The following PLXDC2 variants were observed in gnomAD, a reference collection of about 807,000 sequenced individuals.
The protein encoded by PLXDC2 is plexin domain-containing protein 2.
In PLXDC2, 40 loss-of-function variants were observed where a neutral mutation model predicts 68.9. That is an observed-to-expected ratio of 0.58 (90% confidence interval 0.45 to 0.76). PLXDC2 has a LOEUF of 0.76. PLXDC2 is among the 30% of genes least tolerant of loss of function. PLXDC2 has a pLI of 0.00. For synonymous variants in PLXDC2, 243 were observed against 234.2 expected, an observed-to-expected ratio of 1.04 and a Z score of -0.34; for missense variants, 644 against 661.9, an observed-to-expected ratio of 0.97 and a Z score of 0.30.
chr10:20,112,213 A>G (rs1477637476), intron 4 of PLXDC2, among the ~76,000 whole-genome samples: 1 of 152,138 alleles, frequency 6.6e-6, no homozygotes, highest in Admixed American at 6.5e-5. Flanking sequence ...CTGTTGTTTA[A>G]GCCATCCAGT....
intron 4 of PLXDC2, among the ~76,000 whole-genome samples, chr10:20,082,070 A>AAAAAAAAACAAAAAC (rs1554765383): frequency 3.4e-4 from 42 of 121,976 alleles, no homozygotes; most frequent in Non-Finnish European, 5.8e-4. Flanking sequence ...AAATCAAAAA[A>AAAAAAAAACAAAAAC]AAAAAACAGG....
chr10:19,976,022 A>G (rs920026120), intron 1 of PLXDC2, among the ~76,000 whole-genome samples: 8 of 152,166 alleles, frequency 5.3e-5, no homozygotes, highest in Admixed American at 3.9e-4. Context: ...ATAAAAAAGA[A>G]TACGTTGGAG....
chr10:20,249,491 G>A (rs554864140), intron 13 of PLXDC2, among the ~76,000 whole-genome samples: 7 of 152,244 alleles, frequency 4.6e-5, no homozygotes, highest in African/African-American at 1.7e-4. Context: ...GCTTCCACAT[G>A]CCGCATGTGT....
At chr10:20,124,127 T>G (rs1833738212) in intron 4 of PLXDC2, among the ~76,000 whole-genome samples, 1 of 152,124 alleles carries the variant, frequency 6.6e-6, no homozygotes, top group African/African-American at 2.4e-5. Context: ...TGTCCCTGCA[T>G]GGTCTGACAC....
intron 11 of PLXDC2, among the ~76,000 whole-genome samples, chr10:20,218,706 T>A (rs1835172282): frequency 6.6e-6 from 1 of 152,090 alleles, no homozygotes; most frequent in Admixed American, 6.5e-5. Context: ...TGATCTTGAT[T>A]TTTTAAAATG....
At chr10:20,255,824 T>C (rs1835734990) in intron 13 of PLXDC2, among the ~76,000 whole-genome samples, 1 of 152,084 alleles carries the variant, frequency 6.6e-6, no homozygotes, top group African/African-American at 2.4e-5. Flanking sequence ...AAGTGAACAA[T>C]CAATGGTATT....
chr10:20,263,737 A>G (rs923844591), intron 13 of PLXDC2, among the ~76,000 whole-genome samples: 2 of 152,212 alleles, frequency 1.3e-5, no homozygotes, highest in African/African-American at 4.8e-5. Context: ...ATCACTGATC[A>G]TTAAAGAAAT....
chr10:20,202,622 G>A (rs1834935585), intron 9 of PLXDC2, among the ~76,000 whole-genome samples: 1 of 152,128 alleles, frequency 6.6e-6, no homozygotes, highest in Non-Finnish European at 1.5e-5. Context: ...CATCACTTAA[G>A]AAGTTACACA....
At chr10:20,237,325 T>C (rs1835446581) in intron 12 of PLXDC2, among the ~76,000 whole-genome samples, 1 of 152,136 alleles carries the variant, frequency 6.6e-6, no homozygotes, top group African/African-American at 2.4e-5. Context: ...TGGAATAATA[T>C]TGACAGGCCG....
At position 20,211,744 on chromosome 10, in the gene PLXDC2, T is replaced by C. The variant is rs1835072497; in HGVS notation, c.1122+15T>C. On this transcript the variant is annotated intron_variant, in intron 10 of 13. Transcript: ENST00000377252. ...GCCCTGAAGAGGTACACATGCTTTATTGTGACAGAATCCTGGGACCAAGCT... is the reference window on the plus strand; with the variant it reads ...GCCCTGAAGAGGTACACATGCTTTACTGTGACAGAATCCTGGGACCAAGCT... 1 of 1,611,514 alleles carries C rather than the reference T, an allele frequency of 6.2e-7. No individual in the cohort carries two copies. The highest frequency in any genetic ancestry group is 8.5e-7 in the Non-Finnish European group (1 of 1,178,204).
chr10:19,964,466 A>G (rs966862654), intron 1 of PLXDC2, among the ~76,000 whole-genome samples: 4 of 152,188 alleles, frequency 2.6e-5, no homozygotes, highest in East Asian at 3.9e-4. Flanking sequence ...TCATCACTGC[A>G]GAAGAAATAA....
chr10:19,984,026 G>C (rs1036732502), intron 1 of PLXDC2, among the ~76,000 whole-genome samples: 7 of 152,202 alleles, frequency 4.6e-5, no homozygotes, highest in African/African-American at 1.7e-4. Context: ...TGGTCCAGCG[G>C]TTTTCCATAT....
At chr10:20,015,360 G>A (rs577546600) in intron 2 of PLXDC2, among the ~76,000 whole-genome samples, 1 of 152,210 alleles carries the variant, frequency 6.6e-6, no homozygotes, top group East Asian at 1.9e-4. Context: ...GCACGTGTCT[G>A]TGTGTTTGTG....
chr10:20,127,192 T>A (rs1371567415), intron 4 of PLXDC2, among the ~76,000 whole-genome samples: 1 of 152,130 alleles, frequency 6.6e-6, no homozygotes, highest in African/African-American at 2.4e-5. Flanking sequence ...TTTGAGCTTT[T>A]TTCCTTCCTA....
chr10:20,218,968 G>T, intron 11 of PLXDC2, 96 bp from the exon 12 acceptor site: 4 of 1,351,500 alleles, frequency 3.0e-6, no homozygotes, highest in South Asian at 1.3e-5. Flanking sequence ...GTCATGTTCC[G>T]ACCAAGGCAG....
rs1836350332 is a variant in PLXDC2, at chr10:19,816,797, T to A, written c.-283T>A. ...ACAGTTTGCGAGCCTCGGCTGCAAGTGGCCTCTCCTCCCCGCGGTTGTTGT... is the reference window on the plus strand; with the variant it reads ...ACAGTTTGCGAGCCTCGGCTGCAAGAGGCCTCTCCTCCCCGCGGTTGTTGT... On this transcript the variant is annotated 5_prime_UTR_variant, in exon 1 of 14. Coordinates refer to ENST00000377252, the MANE Select transcript of PLXDC2 (RefSeq NM_032812.9). The A allele has an allele frequency of 2.0e-6, 1 of 499,134 alleles. No individual in the cohort carries two copies. The highest frequency in any genetic ancestry group is 1.9e-5 in the African/African-American group (1 of 51,786). The allele number at this position is 499,134 out of a possible 1,614,324, so 30.9% of individuals were successfully genotyped here.
In PLXDC2 at chr10:20,225,822, T is replaced by C. The variant is rs544079505; in HGVS notation, c.1312+6720T>C. Among the ~76,000 whole-genome samples, 4 of 152,280 alleles carry C rather than the reference T, an allele frequency of 2.6e-5. 1 individual carries two copies. Among genetic ancestry groups the C allele is most frequent in the South Asian group, 4.1e-4 (2 of 4,830 alleles). On this transcript the variant is annotated intron_variant, in intron 12 of 13. Coordinates refer to ENST00000377252, the MANE Select transcript of PLXDC2 (RefSeq NM_032812.9). ...TGGAACCTGAGCACCAATTTTTTTT[T>C]AATTCCCAGATTATTCCAGTGTTAA... is the stretch of plus-strand genomic sequence containing the variant.
At chr10:20,147,987 A>C in intron 6 of PLXDC2, 85 bp downstream of exon 6, 1 of 932,434 alleles carries the variant, frequency 1.1e-6, no homozygotes. Flanking sequence ...GGGACATTTT[A>C]CAGCCATGAT....
intron 1 of PLXDC2, among the ~76,000 whole-genome samples, chr10:19,959,791 T>C (rs1834127001): frequency 6.6e-6 from 1 of 152,126 alleles, no homozygotes; most frequent in South Asian, 2.1e-4. Flanking sequence ...ATTTTGAAGA[T>C]CTTCTATGAA....
Sources: gnomAD v4.1 joint callset for allele counts (sites outside exome capture counted in the v4.1 genomes callset) on GRCh38, gnomAD v4.1.1 for gene constraint, MANE v1.5 for transcripts, NCBI Gene and HGNC (gene_info 2026-07-23, HGNC 2026-07-21) for gene names.